The following ANGPT4 variants were observed in gnomAD, a reference collection of about 807,000 sequenced individuals.
The protein encoded by ANGPT4 is angiopoietin-4.
Under a neutral mutation model 53.0 loss-of-function variants are expected in ANGPT4, and 50 were observed. That is an observed-to-expected ratio of 0.94 (90% CI 0.75 to 1.20). The LOEUF is 1.20. Among genes scored for constraint, ANGPT4 ranks in the 50% most tolerant of loss-of-function variants. The pLI, the probability that ANGPT4 is intolerant of heterozygous loss-of-function variation, is 0.00. For synonymous variants in ANGPT4, 251 were observed against 259.7 expected, an observed-to-expected ratio of 0.97 and a Z score of 0.32; for missense variants, 648 against 637.1, an observed-to-expected ratio of 1.02 and a Z score of -0.18.
intron 1 of ANGPT4, among the ~76,000 whole-genome samples, chr20:898,642 T>G (rs1266968908): frequency 9.2e-5 from 14 of 152,222 alleles, no homozygotes; most frequent in Non-Finnish European, 2.1e-4. Flanking sequence ...GAACCTTGCC[T>G]TCAAGGTGTA....
intron 1 of ANGPT4, 51 bp from the exon 2 acceptor site, chr20:890,419 C>A: frequency 1.9e-6 from 3 of 1,539,548 alleles, no homozygotes; most frequent in Non-Finnish European, 2.6e-6. Flanking sequence ...GGGAAGCCCC[C>A]TGTCCCTCCC....
At chr20:890,630 A>C (rs779243896) in intron 1 of ANGPT4, among the ~76,000 whole-genome samples, 49 of 152,162 alleles carry the variant, frequency 3.2e-4, no homozygotes, top group Non-Finnish European at 5.3e-4. Context: ...CTAGGCAGCC[A>C]GAGGGATCCT....
In ANGPT4 at chr20:908,906, C is replaced by T. The variant is rs1039765795; in HGVS notation, c.309+7000G>A. ...GCCTCTGGAGAGGAGAAACAGGGGT[C>T]TCAGCTGGGTGTCAGGAACCCTGGG... is the stretch of plus-strand genomic sequence containing the variant. On this transcript the variant is annotated intron_variant, in intron 1 of 8. Transcript: ENST00000381922. This position sits in a 1 kb window ranked among gnomAD's most constrained non-coding sequence, Gnocchi z 4.9. Among the ~76,000 whole-genome samples the T allele has an allele frequency of 3.3e-5, 5 of 152,108 alleles. No homozygotes were observed. Among genetic ancestry groups the T allele is most frequent in the African/African-American group, 7.2e-5 (3 of 41,404 alleles).
chr20:890,554 G>A (rs894805748), intron 1 of ANGPT4, among the ~76,000 whole-genome samples, 186 bp from the exon 2 acceptor site: 1 of 152,142 alleles, frequency 6.6e-6, no homozygotes. Context: ...CCCTGGGAGG[G>A]ATTTATATGC....
chr20:878,228 A>G lies in ANGPT4; in HGVS notation c.1153T>C (p.Trp385Arg). Residue 385 changes from tryptophan to arginine, a missense_variant, in exon 7 of 9, where the codon TGG (tryptophan) becomes CGG (arginine). Trp to Arg is a moderately radical substitution (Grantham distance 101). Coordinates refer to ENST00000381922, the MANE Select transcript of ANGPT4 (RefSeq NM_015985.4). Reference sequence around the variant, plus strand: ...TGGGCATAGGCCTCGTGGCCTTCCCAGTCTTGCAGCTCCACACGCAGAGAG... The same window carrying G: ...TGGGCATAGGCCTCGTGGCCTTCCCGGTCTTGCAGCTCCACACGCAGAGAG... The part of the protein sequence containing the change: ...AYSLRVELQD[W>R]EGHEAYAQYE... 1 of 1,612,860 alleles carries G rather than the reference A, an allele frequency of 6.2e-7. No homozygotes were observed. The highest frequency in any genetic ancestry group is 8.5e-7 in the Non-Finnish European group (1 of 1,178,964).
At chr20:894,401 G>A (rs1219402181) in intron 1 of ANGPT4, among the ~76,000 whole-genome samples, 1 of 152,178 alleles carries the variant, frequency 6.6e-6, no homozygotes, top group African/African-American at 2.4e-5. Context: ...GAATTAGGGA[G>A]TAGTAGGGGT....
In ANGPT4 at chr20:915,232, C is replaced by T. The variant is rs570986276; in HGVS notation, c.309+674G>A. Reference sequence around the variant, plus strand: ...CTGAAGTCCTTCCAGTGGCCCCCCCCCCAGCTGCATGGCCTGCCCTGCTGT... The same window carrying T: ...CTGAAGTCCTTCCAGTGGCCCCCCCTCCAGCTGCATGGCCTGCCCTGCTGT... On this transcript the variant is annotated intron_variant, in intron 1 of 8. Coordinates refer to ENST00000381922, the MANE Select transcript of ANGPT4 (RefSeq NM_015985.4). 3.1e-3 allele frequency among the ~76,000 whole-genome samples: 464 copies of T among 152,096 alleles called. 1 individual carries two copies. The highest frequency in any genetic ancestry group is 0.01 in the African/African-American group (431 of 41,442).
chr20:913,125 AATGGTGATG>A (rs1906345130), intron 1 of ANGPT4, among the ~76,000 whole-genome samples: 1 of 152,104 alleles, frequency 6.6e-6, no homozygotes, highest in South Asian at 2.1e-4. Context: ...CCCTAATGGC[AATGGTGATG>A]ATGGTGATGA....
In ANGPT4 at chr20:897,983, C is replaced by CA. The variant is rs377113321; in HGVS notation, c.310-7616dup. On this transcript the variant is annotated intron_variant, in intron 1 of 8. Transcript: ENST00000381922. ...TTACAAGACCTGGATGATTTTTTGT[C>CA]AAAAAATGGGCAAATGGTCTGAGGT... 5.7e-3 allele frequency among the ~76,000 whole-genome samples: 864 copies of CA among 152,234 alleles called. 6 individuals are homozygous for CA. The highest frequency in any genetic ancestry group is 0.019 in the African/African-American group (809 of 41,542).
rs775701631 is a variant in ANGPT4, at chr20:879,797, G to T, written c.1003C>A (p.Arg335Ser). 2 of 1,613,736 alleles carry T rather than the reference G, an allele frequency of 1.2e-6. No homozygotes were observed. The highest frequency in any genetic ancestry group is 2.2e-5 in the East Asian group (1 of 44,846). The change falls in exon 6 of 9, where the codon CGT becomes AGT. Residue 335 changes from arginine to serine, a missense_variant. Coordinates refer to ENST00000381922, the MANE Select transcript of ANGPT4 (RefSeq NM_015985.4). ...SGGRWTLIQRRENGTVNFQRN... is the reference protein window; with the variant it reads ...SGGRWTLIQRSENGTVNFQRN... ...TGAAAATTCACGGTGCCATTCTCAC[G>T]GCGCTGGATGAGGGTCCACCTGCCT...
chr20:894,223 G>T (rs1981958185), intron 1 of ANGPT4, among the ~76,000 whole-genome samples: 1 of 152,156 alleles, frequency 6.6e-6, no homozygotes, highest in Non-Finnish European at 1.5e-5. Flanking sequence ...GAGCTAAGTT[G>T]CAAGCCCCGT....
chr20:877,303 C>G (rs138875184), intron 7 of ANGPT4, among the ~76,000 whole-genome samples: 112 of 152,300 alleles, frequency 7.4e-4, no homozygotes, highest in African/African-American at 2.6e-3. Context: ...AGATTTTTTG[C>G]AGCCCTGTGA....
At chr20:896,562 G>T (rs6118137) in intron 1 of ANGPT4, among the ~76,000 whole-genome samples, 75,573 of 152,076 alleles carry the variant, frequency 0.5, 22,025 homozygotes, top group African/African-American at 0.8. Context: ...ATGCCCTGCA[G>T]CTATCTCTCT....
rs1400952827 is a variant in ANGPT4 at position 914,654 on chromosome 20, C to G, written c.309+1252G>C. On this transcript the variant is annotated intron_variant, in intron 1 of 8. Coordinates refer to ENST00000381922, the MANE Select transcript of ANGPT4 (RefSeq NM_015985.4). The surrounding 1 kb of genome is among the most constrained non-coding windows in gnomAD (Gnocchi z 5.0). ...CCTTCTAAAACTCCAGGAATTAGTTCGCATCCTTCATTCCTCAGTCATCGC... is the reference window on the plus strand; with the variant it reads ...CCTTCTAAAACTCCAGGAATTAGTTGGCATCCTTCATTCCTCAGTCATCGC... 6.6e-6 allele frequency among the ~76,000 whole-genome samples: 1 copy of G among 152,036 alleles called. No individual in the cohort carries two copies. Among genetic ancestry groups the G allele is most frequent in the Admixed American group, 6.5e-5 (1 of 15,268 alleles).
intron 3 of ANGPT4, among the ~76,000 whole-genome samples, chr20:887,887 GAGGAAGGA>G (rs59115029): frequency 1.8e-4 from 27 of 150,792 alleles, no homozygotes; most frequent in African/African-American, 4.4e-4. Context: ...ATAAAAGAAG[GAGGAAGGA>G]AGGAAGGAAG....
At position 885,065 on chromosome 20, in the gene ANGPT4, A is replaced by C; in HGVS notation, c.835+13T>G. On this transcript the variant is annotated intron_variant, in intron 4 of 8. Transcript: ENST00000381922. ...CGTCTTTAGCCACACTGGGGCGCAC[A>C]CCGCTCACTCACCCGGGGCCGAGGC... is the stretch of plus-strand genomic sequence containing the variant. 2 of 1,613,374 alleles carry C rather than the reference A, an allele frequency of 1.2e-6. No individual in the cohort carries two copies. The highest frequency in any genetic ancestry group is 1.1e-5 in the South Asian group (1 of 90,922).
At chr20:877,694 G>C (rs1452036708) in intron 7 of ANGPT4, among the ~76,000 whole-genome samples, 1 of 152,170 alleles carries the variant, frequency 6.6e-6, no homozygotes, top group Non-Finnish European at 1.5e-5. Flanking sequence ...AGCTCATCCT[G>C]CTATTGAAGA....
intron 4 of ANGPT4, among the ~76,000 whole-genome samples, chr20:884,599 AC>A (rs934047695): frequency 1.3e-5 from 2 of 152,212 alleles, no homozygotes; most frequent in African/African-American, 2.4e-5. Flanking sequence ...ATGCCTCTTC[AC>A]TTCTGTTTGG....
At position 901,986 on chromosome 20, in the gene ANGPT4, T is replaced by C. The variant is rs544325760; in HGVS notation, c.310-11618A>G. Among the ~76,000 whole-genome samples, 16 of 152,338 alleles carry C rather than the reference T, an allele frequency of 1.1e-4. No individual in the cohort carries two copies. In the East Asian group the frequency reaches 3.1e-3, roughly 29 times the overall value. ...CTGATCTGAAAAGATGTCCCTGTCA[T>C]GCTTATGAGTAAAAAAAGAAACCAA... On this transcript the variant is annotated intron_variant, in intron 1 of 8. Coordinates refer to ENST00000381922, the MANE Select transcript of ANGPT4 (RefSeq NM_015985.4).
Sources: gnomAD v4.1 joint callset for allele counts (sites outside exome capture counted in the v4.1 genomes callset) on GRCh38, gnomAD v4.1.1 for gene constraint, Gnocchi (gnomAD v3.1) non-coding constraint, MANE v1.5 for transcripts, NCBI Gene and HGNC (gene_info 2026-07-23, HGNC 2026-07-21) for gene names.